NDUFAF2: variants seen among roughly 807,000 people sequenced by gnomAD.
The protein encoded by NDUFAF2 is NADH dehydrogenase [ubiquinone] 1 alpha subcomplex assembly factor 2.
A neutral mutation model predicts 22.8 loss-of-function variants in NDUFAF2; 13 were observed. That is an observed-to-expected ratio of 0.57 (90% CI 0.37 to 0.91). The LOEUF (loss-of-function observed/expected upper bound fraction) is 0.91, where lower values mean the gene tolerates loss of function less well. NDUFAF2 is among the 40% of genes least tolerant of loss of function. The pLI, the probability that NDUFAF2 is intolerant of heterozygous loss-of-function variation, is 0.01. For missense variants in NDUFAF2, 162 were observed against 195.2 expected (o/e 0.83, Z 1.01); for synonymous variants, 53 against 64.2 (o/e 0.83, Z 0.84).
chr5:60,992,846 C>T (rs1751178646), intron 1 of NDUFAF2, among the ~76,000 whole-genome samples: 1 of 152,194 alleles, frequency 6.6e-6, no homozygotes, highest in Admixed American at 6.5e-5. Flanking sequence ...TATCAGGCCA[C>T]TCTCTCCTGT....
At chr5:60,956,578 C>T (rs914161099) in intron 1 of NDUFAF2, among the ~76,000 whole-genome samples, 6 of 152,202 alleles carry the variant, frequency 3.9e-5, no homozygotes, top group South Asian at 2.1e-4. Flanking sequence ...TTGTTAAATG[C>T]GTTTCCTGCA....
At chr5:60,950,591 T>C (rs987855258) in intron 1 of NDUFAF2, among the ~76,000 whole-genome samples, 5 of 152,048 alleles carry the variant, frequency 3.3e-5, no homozygotes, top group Non-Finnish European at 5.9e-5. Context: ...CGCTTTCTCT[T>C]ATGAATCGAT....
At chr5:61,053,605 T>A (rs1207704343) in intron 1 of NDUFAF2, among the ~76,000 whole-genome samples, 2 of 152,162 alleles carry the variant, frequency 1.3e-5, no homozygotes, top group Non-Finnish European at 2.9e-5. Context: ...CCTGAAATAG[T>A]TTCTGTGGCT....
chr5:60,969,860 G>A (rs1240523989), intron 1 of NDUFAF2, among the ~76,000 whole-genome samples: 1 of 152,058 alleles, frequency 6.6e-6, no homozygotes, highest in Non-Finnish European at 1.5e-5. Context: ...GCTTGAGGTT[G>A]TAGATTTAAG....
chr5:61,003,411 A>G (rs565384304), intron 1 of NDUFAF2, among the ~76,000 whole-genome samples: 1 of 152,168 alleles, frequency 6.6e-6, no homozygotes, highest in South Asian at 2.1e-4. Context: ...TTAAATAAGG[A>G]GAACTCTTTT....
At chr5:61,024,835 G>A (rs1013479059) in intron 1 of NDUFAF2, among the ~76,000 whole-genome samples, 1 of 151,784 alleles carries the variant, frequency 6.6e-6, no homozygotes, top group African/African-American at 2.4e-5. Context: ...TAATATTCTA[G>A]CCTACCTTAT....
At chr5:60,959,023 A>G (rs1184358085) in intron 1 of NDUFAF2, among the ~76,000 whole-genome samples, 1 of 152,090 alleles carries the variant, frequency 6.6e-6, no homozygotes, top group African/African-American at 2.4e-5. Context: ...GTAATCCTGC[A>G]TTGTTTTAAA....
At chr5:60,956,493 A>G (rs1290529659) in intron 1 of NDUFAF2, among the ~76,000 whole-genome samples, 1 of 152,146 alleles carries the variant, frequency 6.6e-6, no homozygotes, top group Non-Finnish European at 1.5e-5. Flanking sequence ...TTTGTCATAT[A>G]TGGCCTTCAT....
intron 1 of NDUFAF2, among the ~76,000 whole-genome samples, chr5:60,965,770 A>G (rs1292983868): frequency 6.6e-6 from 1 of 152,180 alleles, no homozygotes; most frequent in African/African-American, 2.4e-5. Context: ...TTCATCTGTC[A>G]ATAGACACTT....
chr5:61,025,134 A>AT (rs565894400), intron 1 of NDUFAF2, among the ~76,000 whole-genome samples: 1,780 of 151,428 alleles, frequency 0.012, 13 homozygotes, highest in Non-Finnish European at 0.019. Flanking sequence ...ATGTTTTAAT[A>AT]TTTTTTTTTC....
At chr5:61,026,037 T>C (rs1249128263) in intron 1 of NDUFAF2, among the ~76,000 whole-genome samples, 3 of 152,078 alleles carry the variant, frequency 2.0e-5, no homozygotes, top group Non-Finnish European at 2.9e-5. Flanking sequence ...GAAATATATC[T>C]GAGATAGCAC....
At chr5:61,118,220 G>A (rs1019303219) in intron 3 of NDUFAF2, among the ~76,000 whole-genome samples, 23 of 151,958 alleles carry the variant, frequency 1.5e-4, no homozygotes, top group African/African-American at 4.8e-4. Flanking sequence ...AAAATCTCCC[G>A]GGCACCACAC....
chr5:60,947,425 T>C (rs935954171), intron 1 of NDUFAF2, among the ~76,000 whole-genome samples: 31 of 152,286 alleles, frequency 2.0e-4, no homozygotes, highest in South Asian at 2.1e-4. Context: ...TTATTTACTA[T>C]CTACAGATCT....
rs190380281 is a variant in NDUFAF2 at position 60,991,242 on chromosome 5, A to G, written c.127+45860A>G. 7.6e-4 allele frequency among the ~76,000 whole-genome samples: 116 copies of G among 152,300 alleles called. 1 individual carries two copies. The highest frequency in any genetic ancestry group is 2.8e-3 in the African/African-American group (115 of 41,566). ...ATTTATGGGGTACATGAGATTATGT[A>G]TACAGGCATGCAATGTGAAATAAGC... On this transcript the variant is annotated intron_variant, in intron 1 of 3. Coordinates refer to ENST00000296597, the MANE Select transcript of NDUFAF2 (RefSeq NM_174889.5).
chr5:61,037,213 G>C (rs961069550), intron 1 of NDUFAF2, among the ~76,000 whole-genome samples: 1 of 152,164 alleles, frequency 6.6e-6, no homozygotes, highest in African/African-American at 2.4e-5. Flanking sequence ...TGAAGTGAAA[G>C]TGGTATCATT....
chr5:61,110,348 G>A (rs964648987), intron 3 of NDUFAF2, among the ~76,000 whole-genome samples: 25 of 151,622 alleles, frequency 1.6e-4, no homozygotes, highest in African/African-American at 5.8e-4. Context: ...ACCTACTAGA[G>A]TGAGTTTGGA....
intron 1 of NDUFAF2, among the ~76,000 whole-genome samples, chr5:61,011,509 T>A (rs1315468615): frequency 6.6e-6 from 1 of 152,010 alleles, no homozygotes; most frequent in East Asian, 1.9e-4. Flanking sequence ...CCAGGGAGAT[T>A]AGTGGTGCAA....
chr5:61,038,117 G>GA (rs1751823876), intron 1 of NDUFAF2, among the ~76,000 whole-genome samples: 6 of 111,674 alleles, frequency 5.4e-5, no homozygotes, highest in Admixed American at 9.0e-5. Flanking sequence ...AGAGAGAGAG[G>GA]GAGAGAGAGA....
intron 1 of NDUFAF2, among the ~76,000 whole-genome samples, chr5:61,008,202 A>T (rs1751396294): frequency 6.6e-6 from 1 of 150,912 alleles, no homozygotes; most frequent in South Asian, 2.1e-4. Flanking sequence ...ACCTAATGCT[A>T]ATTGACGAGT....
Sources: allele counts gnomAD v4.1 joint callset (sites outside exome capture counted in the v4.1 genomes callset), GRCh38; gene constraint gnomAD v4.1.1; transcripts MANE v1.5; gene names NCBI Gene and HGNC (gene_info 2026-07-23, HGNC 2026-07-21).